Variants in MUC22 observed in about 807,000 individuals in gnomAD.
MUC22 encodes the protein mucin-22.
MUC22 carries 24 observed loss-of-function variants against 40.3 expected under a neutral mutation model. The observed-to-expected ratio is 0.60, with a 90% CI of 0.43 to 0.84. The LOEUF (loss-of-function observed/expected upper bound fraction) is 0.84. Among genes scored for constraint, MUC22 ranks in the 40% least tolerant of loss-of-function variants. The pLI is 0.00. For missense variants in MUC22, 1,926 were observed against 2,130.7 expected (o/e 0.90, Z 1.89); for synonymous variants, 765 against 844.5 (o/e 0.91, Z 1.63).
chr6:31,021,984 C>T (rs983024946), intron 1 of MUC22, among the ~76,000 whole-genome samples: 14 of 152,188 alleles, frequency 9.2e-5, no homozygotes, highest in African/African-American at 1.9e-4. Flanking sequence ...CTGAAGCCAG[C>T]GAGCCCACGA....
chr6:31,027,185 C>T (rs1765469544), exon 2 of MUC22: 2 of 1,502,234 alleles, frequency 1.3e-6, no homozygotes, highest in African/African-American at 2.8e-5. Flanking sequence ...GGCTCTGAGA[C>T]AATCAGAGCC....
At position 31,026,037 on chromosome 6, in the gene MUC22, C is replaced by CT. The variant is rs1765277516; in HGVS notation, c.607dup (p.Ser203PhefsTer2). 6.5e-7 allele frequency: 1 copy of CT among 1,530,256 alleles called. No homozygotes were observed. The allele number at this position is 1,530,256 out of a possible 1,614,324, so 94.8% of individuals were successfully genotyped here. A position where few individuals can be genotyped will look rare whatever the true frequency, so the allele number is the denominator to read the frequency against. The stretch of plus-strand genomic sequence containing the variant: ...AGACCACCACCACCTCCACTGCAAG[C>CT]TCTGAGGCCACTAAAGTCTCTACCA... On this transcript the variant is annotated frameshift_variant, in exon 2 of 4. Transcript: ENST00000561890. LOFTEE classifies it high-confidence loss of function.
intron 1 of MUC22, among the ~76,000 whole-genome samples, chr6:31,017,042 C>T (rs573211687): frequency 2.0e-5 from 3 of 152,370 alleles, no homozygotes; most frequent in Admixed American, 6.5e-5. Context: ...CTGAGGGGCA[C>T]GGCTTGGGAC....
rs969818997 is a variant in MUC22 at position 31,011,840 on chromosome 6, G to A, written c.70+1064G>A. Among the ~76,000 whole-genome samples the A allele has an allele frequency of 6.6e-6, 1 of 151,990 alleles. No homozygotes were observed. The highest frequency in any genetic ancestry group is 2.4e-5 in the African/African-American group (1 of 41,306). On this transcript the variant is annotated intron_variant, in intron 1 of 3. Transcript: ENST00000561890. The surrounding 1 kb of genome is among the most constrained non-coding windows in gnomAD (Gnocchi z 4.5). ...AGTGTTCCCTGATCACTGCATCTAC[G>A]CCAACATCTACTGTTTTTTGATTTT...
At chr6:31,030,484 T>C (rs1318663607) in intron 2 of MUC22, among the ~76,000 whole-genome samples, 1 of 145,354 alleles carries the variant, frequency 6.9e-6, no homozygotes, top group Non-Finnish European at 1.5e-5. Flanking sequence ...GCCATTGCAT[T>C]CCAGCCTGGG....
intron 1 of MUC22, among the ~76,000 whole-genome samples, chr6:31,020,000 G>A (rs7759232): frequency 0.45 from 67,421 of 151,506 alleles, 15,159 homozygotes; most frequent in East Asian, 0.54. Context: ...TGTTTTGTCT[G>A]CAATATGTAT....
chr6:31,010,608 G>A, exon 1 of MUC22: 1 of 668,464 alleles, frequency 1.5e-6, no homozygotes, highest in Non-Finnish European at 2.7e-6. Flanking sequence ...TTTCTATCAA[G>A]GCCCAGGGGG....
At chr6:31,025,691 T>C (rs1765229902) in exon 2 of MUC22, 2 of 1,527,800 alleles carry the variant, frequency 1.3e-6, no homozygotes, top group Non-Finnish European at 1.8e-6. Flanking sequence ...ACTGCAGCCT[T>C]CACCACAGGC....
intron 1 of MUC22, among the ~76,000 whole-genome samples, chr6:31,014,432 A>G (rs7755802): frequency 0.45 from 67,809 of 151,848 alleles, 15,355 homozygotes; most frequent in East Asian, 0.55. Context: ...TGCTTGCTAG[A>G]TCTCTTGTCC....
upstream of MUC22, chr6:31,010,435 T>A: frequency 2.2e-6 from 1 of 448,744 alleles, no homozygotes; most frequent in Non-Finnish European, 4.0e-6. Context: ...CCTCCCCTAC[T>A]CAGTATCAGC....
At chr6:31,009,480 C>G (rs1324944995), upstream of MUC22, among the ~76,000 whole-genome samples, 2 of 152,188 alleles carry the variant, frequency 1.3e-5, no homozygotes, top group African/African-American at 4.8e-5. Flanking sequence ...CAGTGCCACC[C>G]TAGAGGTAGC....
exon 2 of MUC22, chr6:31,026,575 A>T (rs1562604293): frequency 1.3e-6 from 2 of 1,496,662 alleles, no homozygotes; most frequent in Admixed American, 2.1e-5. Flanking sequence ...AAACTCTACT[A>T]CAAGCTCTGA....
At chr6:31,021,900 C>G (rs554777430) in intron 1 of MUC22, among the ~76,000 whole-genome samples, 49 of 151,712 alleles carry the variant, frequency 3.2e-4, no homozygotes, top group African/African-American at 9.7e-4. Context: ...ATAGATTTTG[C>G]TACTGCTCAC....
chr6:31,026,796 G>A, exon 2 of MUC22: 1 of 1,506,024 alleles, frequency 6.6e-7, no homozygotes, highest in Non-Finnish European at 8.9e-7. Context: ...CAGGCTCTGA[G>A]ACCACTACAG....
chr6:31,022,599 A>G (rs1407472818), intron 1 of MUC22, among the ~76,000 whole-genome samples: 1 of 152,286 alleles, frequency 6.6e-6, no homozygotes, highest in South Asian at 2.1e-4. Context: ...AATATACTTG[A>G]GTAATAATGA....
rs1765522811 is a variant in MUC22, at chr6:31,027,519, A to T, written c.2088A>T (p.Thr696=). 2.6e-6 allele frequency: 4 copies of T among 1,519,298 alleles called. No homozygotes were observed. The South Asian group carries it at 3.6e-5, about 14-fold the overall frequency. 94.1% of individuals were successfully genotyped at this position (1,519,298 alleles called of 1,614,324 possible). The change falls in exon 2 of 4, where the codon ACA becomes ACT. Residue 696 remains threonine (T), a synonymous_variant. Transcript: ENST00000561890. ...CCTCTACTGAAGGCTCTGAGATCACAATAGCCTCTACTTCAGACTCTGAGA... is the reference window on the plus strand; with the variant it reads ...CCTCTACTGAAGGCTCTGAGATCACTATAGCCTCTACTTCAGACTCTGAGA...
At chr6:31,019,168 T>C (rs2150758945) in intron 1 of MUC22, among the ~76,000 whole-genome samples, 1 of 149,584 alleles carries the variant, frequency 6.7e-6, no homozygotes, top group Admixed American at 6.7e-5. Context: ...TTCATTCAGA[T>C]AAATAGAACT....
exon 4 of MUC22, chr6:31,035,086 A>C: frequency 1.2e-6 from 1 of 865,488 alleles, no homozygotes; most frequent in Non-Finnish European, 1.7e-6. Context: ...AATAATTAAA[A>C]TGGAGCATAG....
intron 1 of MUC22, among the ~76,000 whole-genome samples, chr6:31,016,815 G>A (rs938466539): frequency 2.0e-5 from 3 of 152,206 alleles, no homozygotes; most frequent in Non-Finnish European, 2.9e-5. Context: ...GCGGGAACCC[G>A]GGCTGCCTGC....
Sources: allele counts gnomAD v4.1 joint callset (sites outside exome capture counted in the v4.1 genomes callset), GRCh38; gene constraint gnomAD v4.1.1; non-coding constraint Gnocchi (gnomAD v3.1); transcripts MANE v1.5; gene names NCBI Gene and HGNC (gene_info 2026-07-23, HGNC 2026-07-21).